The following NBAS variants were observed in gnomAD, a reference collection of about 807,000 sequenced individuals.
NBAS encodes the protein NAG/BC035112 fusion.
Under a neutral mutation model 302.5 loss-of-function variants are expected in NBAS, and 219 were observed. That is an observed-to-expected ratio of 0.72 (90% CI 0.65 to 0.81). NBAS has a LOEUF of 0.81. NBAS is among the 30% of genes least tolerant of loss of function. The pLI, the probability that NBAS is intolerant of heterozygous loss-of-function variation, is 0.00. For synonymous variants in NBAS, 1,118 were observed against 1,021.6 expected (o/e 1.09, Z -1.80); for missense variants, 2,932 against 2,841.6 (o/e 1.03, Z -0.72).
At chr2:15,232,570 T>C (rs1178549376) in intron 46 of NBAS, 59 bp from the exon 47 acceptor site, 3 of 1,518,180 alleles carry the variant, frequency 2.0e-6, no homozygotes, top group African/African-American at 2.7e-5. Flanking sequence ...AGAAATAAAC[T>C]TGGTATTCAC....
chr2:15,433,961 A>G (rs1368575982), intron 21 of NBAS, among the ~76,000 whole-genome samples: 1 of 151,838 alleles, frequency 6.6e-6, no homozygotes, highest in African/African-American at 2.4e-5. Flanking sequence ...GAAAAAAAAA[A>G]AGAAAAGACT....
chr2:15,488,771 A>C, intron 12 of NBAS, 123 bp downstream of exon 12: 1 of 1,260,278 alleles, frequency 7.9e-7, no homozygotes, highest in South Asian at 1.3e-5. Context: ...TTTAAAGGAT[A>C]GAAGAGCTTT....
In NBAS at chr2:15,521,272, T is replaced by C. The variant is rs186732479; in HGVS notation, c.747-9922A>G. 3.2e-4 allele frequency among the ~76,000 whole-genome samples: 49 copies of C among 152,284 alleles called. 1 individual carries two copies. Among genetic ancestry groups the C allele is most frequent in the Admixed American group, 3.0e-3 (46 of 15,292 alleles). On this transcript the variant is annotated intron_variant, in intron 9 of 51. Transcript: ENST00000281513. The stretch of plus-strand genomic sequence containing the variant: ...AGCAACATCTATTCTGATTCGTTGG[T>C]CACCCTGAAGAGATGTGACCAAAGA...
intron 50 of NBAS, among the ~76,000 whole-genome samples, chr2:15,181,499 T>A (rs1013111086): frequency 6.6e-5 from 10 of 152,192 alleles, no homozygotes; most frequent in African/African-American, 2.4e-4. Context: ...GAACGTTTAT[T>A]AAGAGATTTA....
rs143354409 is a variant in NBAS at position 15,218,940 on chromosome 2, G to A, written c.6265C>T (p.Leu2089=). 80 of 1,614,230 alleles carry A rather than the reference G, an allele frequency of 5.0e-5. No individual in the cohort carries two copies. The African/African-American group carries it at 1.0e-3, about 20-fold the overall frequency. Residue 2089 remains leucine (L), a synonymous_variant, in exon 48 of 52, where the codon CTG becomes TTG. Transcript: ENST00000281513. The stretch of plus-strand genomic sequence containing the variant: ...GCACAGAAAGGCCGCAGCCACTCCA[G>A]CAGGTCCTCAGGTGAAACCAGCTCC... The part of the protein sequence containing the change: ...GEELVSPEDL[L]EWLRPFCADD...
the NBAS span, among the ~76,000 whole-genome samples, chr2:14,944,536 G>A: frequency 2.0e-5 from 3 of 152,064 alleles, no homozygotes; most frequent in East Asian, 5.8e-4. Context: ...TCAGTGATAT[G>A]AGTTCACTTT....
chr2:15,151,020 T>C, the NBAS span, among the ~76,000 whole-genome samples: 189 of 152,354 alleles, frequency 1.2e-3, no homozygotes, highest in Non-Finnish European at 2.1e-3. Flanking sequence ...TTTATAACCC[T>C]AATTCCGTAC....
At chr2:15,525,833 T>A (rs1662889854) in intron 9 of NBAS, among the ~76,000 whole-genome samples, 1 of 152,124 alleles carries the variant, frequency 6.6e-6, no homozygotes, top group African/African-American at 2.4e-5. Flanking sequence ...AACAAAATCA[T>A]AAAAATTAAA....
At chr2:15,553,294 C>A in intron 5 of NBAS, 132 bp downstream of exon 5, 1 of 814,194 alleles carries the variant, frequency 1.2e-6, no homozygotes, top group Admixed American at 2.2e-5. Flanking sequence ...TGGTGTTTGA[C>A]ACTCACAAAA....
At chr2:14,785,920 G>T in the NBAS span, among the ~76,000 whole-genome samples, 9 of 152,112 alleles carry the variant, frequency 5.9e-5, no homozygotes, top group Non-Finnish European at 1.3e-4. Context: ...TTGTACCTCT[G>T]GTAGAATTCG....
the NBAS span, among the ~76,000 whole-genome samples, chr2:15,124,640 G>A: frequency 5.9e-5 from 9 of 152,216 alleles, no homozygotes; most frequent in Admixed American, 2.6e-4. Context: ...CCCAGGGCCC[G>A]TTCTCCTGCT....
intron 24 of NBAS, among the ~76,000 whole-genome samples, chr2:15,417,175 T>C (rs145919068): frequency 2.0e-3 from 298 of 152,278 alleles, no homozygotes; most frequent in African/African-American, 6.9e-3. Context: ...ACCCTGATAC[T>C]TTTTTCCAGT....
intron 6 of NBAS, among the ~76,000 whole-genome samples, chr2:15,540,043 G>T (rs1663726217): frequency 1.3e-5 from 2 of 152,248 alleles, no homozygotes; most frequent in Non-Finnish European, 2.9e-5. Flanking sequence ...AAGGCTATCA[G>T]CTGCAAAAGA....
chr2:15,539,420 G>A (rs1201416318), intron 6 of NBAS, 64 bp from the exon 7 acceptor site: 3 of 1,576,438 alleles, frequency 1.9e-6, no homozygotes, highest in Non-Finnish European at 2.6e-6. Context: ...AATGCTTTTA[G>A]TAACTGCAAC....
chr2:14,945,021 T>G, the NBAS span, among the ~76,000 whole-genome samples: 29 of 152,102 alleles, frequency 1.9e-4, no homozygotes, highest in Non-Finnish European at 4.1e-4. Flanking sequence ...AGGGCGACCA[T>G]CCCCATCCCT....
At chr2:15,492,275 C>G (rs776423694) in intron 11 of NBAS, among the ~76,000 whole-genome samples, 2 of 152,110 alleles carry the variant, frequency 1.3e-5, no homozygotes, top group Admixed American at 6.5e-5. Context: ...AAATACACAT[C>G]AAGTATGCAT....
At chr2:15,264,108 A>G (rs1267746015) in intron 44 of NBAS, among the ~76,000 whole-genome samples, 1 of 152,234 alleles carries the variant, frequency 6.6e-6, no homozygotes, top group African/African-American at 2.4e-5. Flanking sequence ...AGTCCAAGTC[A>G]CTAAAGATTT....
chr2:14,875,884 T>C, the NBAS span, among the ~76,000 whole-genome samples: 15 of 152,180 alleles, frequency 9.9e-5, no homozygotes, highest in Non-Finnish European at 1.8e-4. Flanking sequence ...ATTCTATAGA[T>C]CAATGGCTGC....
At chr2:14,965,254 T>A in the NBAS span, among the ~76,000 whole-genome samples, 1,297 of 152,216 alleles carry the variant, frequency 8.5e-3, 17 homozygotes, top group African/African-American at 0.03. Flanking sequence ...TAAAATCTAG[T>A]ACTTTGACAG....
Sources: gnomAD v4.1 joint callset for allele counts (sites outside exome capture counted in the v4.1 genomes callset) on GRCh38, gnomAD v4.1.1 for gene constraint, MANE v1.5 for transcripts, NCBI Gene and HGNC (gene_info 2026-07-23, HGNC 2026-07-21) for gene names.